Variants in NRXN3 observed in about 807,000 individuals in gnomAD.
The protein encoded by NRXN3 is neurexin III.
Under a neutral mutation model 137.6 loss-of-function variants are expected in NRXN3, and 32 were observed. That is an observed-to-expected ratio of 0.23 (90% confidence interval 0.18 to 0.31). The LOEUF (loss-of-function observed/expected upper bound fraction) is 0.31, where lower values mean the gene tolerates loss of function less well. NRXN3 is among the 10% of genes least tolerant of loss of function. NRXN3 has a pLI of 1.00. For synonymous variants in NRXN3, 798 were observed against 784.5 expected (o/e 1.02, Z -0.29); for missense variants, 1,574 against 2,062.5 (o/e 0.76, Z 4.59).
chr14:78,716,415 A>G (rs2098434394), intron 8 of NRXN3, among the ~76,000 whole-genome samples: 1 of 152,216 alleles, frequency 6.6e-6, no homozygotes, highest in Non-Finnish European at 1.5e-5. Context: ...CTGTACCTGT[A>G]TAGTTCTTGC....
At chr14:79,584,272 G>C (rs1438056461) in intron 16 of NRXN3, among the ~76,000 whole-genome samples, 1 of 152,162 alleles carries the variant, frequency 6.6e-6, no homozygotes, top group African/African-American at 2.4e-5. Flanking sequence ...GGGGTGAGCA[G>C]AAAGAAATGC....
chr14:79,163,678 G>C (rs533763998), intron 15 of NRXN3, among the ~76,000 whole-genome samples: 24 of 151,940 alleles, frequency 1.6e-4, no homozygotes, highest in Admixed American at 7.9e-4. Flanking sequence ...GGTATAAGCT[G>C]TGTGAATATT....
chr14:79,013,945 T>A (rs1277979367), intron 15 of NRXN3, among the ~76,000 whole-genome samples: 5 of 152,052 alleles, frequency 3.3e-5, no homozygotes. Flanking sequence ...TGTCATGGGG[T>A]TTACAACACC....
chr14:78,398,902 G>A (rs765516928), intron 4 of NRXN3, among the ~76,000 whole-genome samples: 6 of 152,170 alleles, frequency 3.9e-5, no homozygotes, highest in Non-Finnish European at 8.8e-5. Flanking sequence ...CTGGCAAGTT[G>A]AGACCCCATT....
intron 4 of NRXN3, among the ~76,000 whole-genome samples, chr14:78,508,667 T>TA (rs75732397): frequency 8.0e-4 from 119 of 148,394 alleles, no homozygotes; most frequent in East Asian, 6.9e-3. Flanking sequence ...TTTAAAATGT[T>TA]AAAAAAAAAA....
At chr14:78,173,148 GCTA>G (rs2058897597) in intron 1 of NRXN3, among the ~76,000 whole-genome samples, 1 of 152,018 alleles carries the variant, frequency 6.6e-6, no homozygotes. Flanking sequence ...TAGATGAGAT[GCTA>G]CAGCAAACGG....
intron 10 of NRXN3, among the ~76,000 whole-genome samples, chr14:78,940,293 A>G (rs941030122): frequency 5.3e-5 from 8 of 152,176 alleles, no homozygotes; most frequent in Admixed American, 3.9e-4. Context: ...TCTAACAAGT[A>G]TTACTTGAAC....
chr14:79,766,711 G>C (rs935504673), intron 19 of NRXN3, among the ~76,000 whole-genome samples: 1 of 152,170 alleles, frequency 6.6e-6, no homozygotes, highest in Non-Finnish European at 1.5e-5. Flanking sequence ...GTTCATTTGT[G>C]CTGGCGTCAA....
intron 19 of NRXN3, among the ~76,000 whole-genome samples, chr14:79,770,798 G>A (rs531715349): frequency 6.6e-6 from 1 of 151,612 alleles, no homozygotes; most frequent in South Asian, 2.1e-4. Context: ...AGGAAATAGA[G>A]ACACAAAAAA....
At chr14:78,280,714 G>A (rs1173010329) in intron 3 of NRXN3, among the ~76,000 whole-genome samples, 3 of 152,164 alleles carry the variant, frequency 2.0e-5, no homozygotes, top group Admixed American at 1.3e-4. Context: ...TCACACAGGC[G>A]CCATATTGGT....
At chr14:79,200,741 C>T (rs2065857030) in intron 15 of NRXN3, among the ~76,000 whole-genome samples, 1 of 151,540 alleles carries the variant, frequency 6.6e-6, no homozygotes, top group African/African-American at 2.4e-5. Context: ...GTCCTGCTAA[C>T]CTGTTCTGAT....
intron 4 of NRXN3, among the ~76,000 whole-genome samples, chr14:78,409,420 G>C (rs1302396259): frequency 6.6e-6 from 1 of 152,200 alleles, no homozygotes; most frequent in African/African-American, 2.4e-5. Context: ...AAAGAGGCGT[G>C]GTCAGGGAGT....
chr14:78,675,474 C>T (rs1017871451), intron 6 of NRXN3, among the ~76,000 whole-genome samples: 2 of 152,060 alleles, frequency 1.3e-5, no homozygotes, highest in Admixed American at 1.3e-4. Context: ...GTTTACCATA[C>T]CTTTATTCCT....
intron 16 of NRXN3, among the ~76,000 whole-genome samples, chr14:79,653,254 A>G (rs1478049148): frequency 1.3e-5 from 2 of 152,128 alleles, no homozygotes; most frequent in Non-Finnish European, 2.9e-5. Flanking sequence ...TGACTCAAGT[A>G]TTTTGCAGAT....
chr14:78,494,658 C>CA (rs925405570), intron 4 of NRXN3, among the ~76,000 whole-genome samples: 2 of 151,852 alleles, frequency 1.3e-5, no homozygotes, highest in African/African-American at 2.4e-5. Flanking sequence ...AGAGCCAGCC[C>CA]AAAAAAATAT....
rs58746209 is a variant in NRXN3, at chr14:79,331,840, CTGTGTGTGTG to C, written c.3263-135358_3263-135349del. ...TTTAAAGTTTTAATTAAGGCTTTTGCTGTGTGTGTGTGTGTGTGTGTGTGTGTGTGTGAAA... is the reference window on the plus strand; with the variant it reads ...TTTAAAGTTTTAATTAAGGCTTTTGCTGTGTGTGTGTGTGTGTGTGTGAAA... On this transcript the variant is annotated intron_variant, in intron 15 of 20. Transcript: ENST00000335750. Among the ~76,000 whole-genome samples the C allele has an allele frequency of 7.5e-3, 1,121 of 148,828 alleles. 9 individuals are homozygous for C. The highest frequency in any genetic ancestry group is 0.026 in the African/African-American group (1,051 of 40,620).
intron 1 of NRXN3, among the ~76,000 whole-genome samples, chr14:78,179,283 A>C (rs974510230): frequency 5.3e-5 from 8 of 152,068 alleles, no homozygotes; most frequent in African/African-American, 1.9e-4. Flanking sequence ...GGAGGACTCC[A>C]GGGAGGAAGA....
chr14:79,829,979 A>AC (rs1290223964), intron 20 of NRXN3, among the ~76,000 whole-genome samples: 2 of 152,204 alleles, frequency 1.3e-5, no homozygotes, highest in African/African-American at 4.8e-5. Flanking sequence ...TGTCTGCAAC[A>AC]CACTTGGAGC....
intron 1 of NRXN3, among the ~76,000 whole-genome samples, chr14:78,239,901 G>A (rs901682060): frequency 2.0e-5 from 3 of 151,966 alleles, no homozygotes; most frequent in African/African-American, 7.3e-5. Context: ...ATGGGGTTTC[G>A]CCACATTGGC....
Sources: gnomAD v4.1 joint callset for allele counts (sites outside exome capture counted in the v4.1 genomes callset) on GRCh38, gnomAD v4.1.1 for gene constraint, MANE v1.5 for transcripts, NCBI Gene and HGNC (gene_info 2026-07-23, HGNC 2026-07-21) for gene names.